The following ATP7A variants were observed in gnomAD, a reference collection of about 807,000 sequenced individuals.
ATP7A encodes the protein copper-transporting ATPase 1.
A neutral mutation model predicts 83.5 loss-of-function variants in ATP7A; 7 were observed. That is an observed-to-expected ratio of 0.08 (90% CI 0.05 to 0.16). ATP7A has a LOEUF of 0.16. Ranked by LOEUF, ATP7A falls within the 10% of genes least tolerant of loss-of-function variation. The pLI is 1.00. For synonymous variants in ATP7A, 354 were observed against 395.2 expected, an observed-to-expected ratio of 0.90 and a Z score of 1.24; for missense variants, 940 against 1,120.8, an observed-to-expected ratio of 0.84 and a Z score of 2.30.
In ATP7A at chrX:78,046,405, T is replaced by C; in HGVS notation, c.4338T>C (p.Asn1446=). Residue 1446 remains asparagine, a synonymous_variant, in exon 23 of 23, where the codon AAT becomes AAC. Transcript: ENST00000341514. Reference sequence around the variant, plus strand: ...TTGGAATAGATGATACCTCAAGGAATTCTCCTAAACTGGGTTTGCTGGACC... The same window carrying C: ...TTGGAATAGATGATACCTCAAGGAACTCTCCTAAACTGGGTTTGCTGGACC... The part of the protein sequence containing the change: ...VHVGIDDTSR[N]SPKLGLLDRI... 1 of 1,211,720 alleles carries C rather than the reference T, an allele frequency of 8.3e-7. No homozygotes were observed. The highest frequency in any genetic ancestry group is 1.1e-6 in the Non-Finnish European group (1 of 895,418).
chrX:78,031,715 T>C, intron 16 of ATP7A, 133 bp downstream of exon 16: 1 of 694,364 alleles, frequency 1.4e-6, no homozygotes. Context: ...TATTTTCTCA[T>C]TTAATTGTAT....
intron 7 of ATP7A, among the ~76,000 whole-genome samples, chrX:78,010,570 CT>C (rs5902761): frequency 1.1e-3 from 58 of 51,564 alleles, no homozygotes; most frequent in African/African-American, 3.1e-3. Context: ...ATGGTGCTAG[CT>C]TTTTTTTTTT....
At chrX:77,983,574 T>A (rs2077616511) in intron 2 of ATP7A, among the ~76,000 whole-genome samples, 1 of 112,151 alleles carries the variant, frequency 8.9e-6, no homozygotes, top group African/African-American at 3.2e-5. Flanking sequence ...ACAGAGTACG[T>A]TTGGTATATT....
chrX:78,028,776 A>C (rs1173213862), intron 14 of ATP7A, among the ~76,000 whole-genome samples: 1 of 112,656 alleles, frequency 8.9e-6, no homozygotes, highest in Non-Finnish European at 1.9e-5. Flanking sequence ...ATTAGCAGAT[A>C]TACTTGGTTC....
rs192389588 is a variant in ATP7A at position 78,040,913 on chromosome X, T to C, written c.3801+180T>C. 1.8e-3 allele frequency among the ~76,000 whole-genome samples: 197 copies of C among 112,327 alleles called. 2 individuals are homozygous for C. Among genetic ancestry groups the C allele is most frequent in the African/African-American group, 6.0e-3 (186 of 30,968 alleles). Reference sequence around the variant, plus strand: ...AGACTTTGGGCTTTGTGTGTTGCTGTTATACGTAAAAAGGTATTTGCTTAG... The same window carrying C: ...AGACTTTGGGCTTTGTGTGTTGCTGCTATACGTAAAAAGGTATTTGCTTAG... On this transcript the variant is annotated intron_variant, in intron 19 of 22. Transcript: ENST00000341514.
At chrX:78,001,132 C>G (rs1292105632) in intron 5 of ATP7A, among the ~76,000 whole-genome samples, 4 of 111,526 alleles carry the variant, frequency 3.6e-5, no homozygotes, top group African/African-American at 1.3e-4. Context: ...TCAGCTGAAG[C>G]AAAAAGATTT....
At chrX:77,983,217 A>G (rs1603380527) in intron 2 of ATP7A, among the ~76,000 whole-genome samples, 1 of 112,201 alleles carries the variant, frequency 8.9e-6, no homozygotes, top group East Asian at 2.8e-4. Flanking sequence ...AGAAGAGAAA[A>G]CATGTACTGA....
intron 7 of ATP7A, 55 bp from the exon 8 acceptor site, chrX:78,011,121 C>A: frequency 9.5e-7 from 1 of 1,054,570 alleles, no homozygotes; most frequent in East Asian, 3.0e-5. Context: ...TAGAATTTCT[C>A]TATACAATAT....
At chrX:78,040,464 TAA>T (rs1337858830) in intron 18 of ATP7A, 125 bp from the exon 19 acceptor site, 1 of 830,600 alleles carries the variant, frequency 1.2e-6, no homozygotes, top group Non-Finnish European at 1.7e-6. Flanking sequence ...AGAGATATTT[TAA>T]GTTAAGCCAT....
intron 1 of ATP7A, among the ~76,000 whole-genome samples, chrX:77,928,545 A>G (rs1171257287): frequency 3.6e-5 from 4 of 110,899 alleles, no homozygotes; most frequent in African/African-American, 1.3e-4. Flanking sequence ...CAGAGCTGAG[A>G]ATGTCAGTAA....
chrX:77,961,351 A>T lies in ATP7A; in HGVS notation c.-21-10270A>T, dbSNP rs782013967. 6.3e-5 allele frequency among the ~76,000 whole-genome samples: 7 copies of T among 111,889 alleles called. No individual in the cohort carries two copies. In the South Asian group the frequency reaches 2.6e-3, roughly 41 times the overall value. On this transcript the variant is annotated intron_variant, in intron 1 of 22. Coordinates refer to ENST00000341514, the MANE Select transcript of ATP7A (RefSeq NM_000052.7). Reference sequence around the variant, plus strand: ...GGTCTGGGACATACCCCATGATAAAACTGTATTTCAGTCTTACATTCCTAA... The same window carrying T: ...GGTCTGGGACATACCCCATGATAAATCTGTATTTCAGTCTTACATTCCTAA...
At chrX:78,022,505 G>GTTTGTTTATTTATTTA (rs782072664) in intron 14 of ATP7A, among the ~76,000 whole-genome samples, 119 of 95,803 alleles carry the variant, frequency 1.2e-3, no homozygotes, top group Admixed American at 2.4e-3. Context: ...TTGTTTGTTT[G>GTTTGTTTATTTATTTA]TTTATTTATT....
At chrX:77,962,119 A>G (rs781788411) in intron 1 of ATP7A, among the ~76,000 whole-genome samples, 1 of 111,627 alleles carries the variant, frequency 9.0e-6, no homozygotes, top group Admixed American at 9.5e-5. Flanking sequence ...ACACAAAAGG[A>G]CACTATCAAG....
intron 14 of ATP7A, among the ~76,000 whole-genome samples, chrX:78,021,549 A>G (rs2077905530): frequency 1.8e-5 from 2 of 111,957 alleles, no homozygotes; most frequent in Admixed American, 1.9e-4. Context: ...AACTTATTAA[A>G]TGCTTTACAA....
chrX:77,983,423 A>G (rs782153216), intron 2 of ATP7A, among the ~76,000 whole-genome samples: 1 of 112,113 alleles, frequency 8.9e-6, no homozygotes, highest in African/African-American at 3.2e-5. Context: ...TACAGAAATC[A>G]TATGCAAATA....
chrX:77,926,210 A>G (rs1557223536), intron 1 of ATP7A, among the ~76,000 whole-genome samples: 1 of 112,185 alleles, frequency 8.9e-6, no homozygotes, highest in African/African-American at 3.2e-5. Context: ...TTTGTCATTC[A>G]GGGATCTGAT....
chrX:78,033,544 C>A, intron 16 of ATP7A, 61 bp from the exon 17 acceptor site: 1 of 1,077,272 alleles, frequency 9.3e-7, no homozygotes, highest in Non-Finnish European at 1.3e-6. Flanking sequence ...TTTTATCTTG[C>A]TAATGAATGA....
At chrX:77,920,471 C>A (rs1335254875) in intron 1 of ATP7A, among the ~76,000 whole-genome samples, 1 of 111,017 alleles carries the variant, frequency 9.0e-6, no homozygotes, top group East Asian at 2.8e-4. Context: ...CCCACCTCGG[C>A]CTCCCAAAGT....
chrX:77,968,839 G>T (rs1377540587), intron 1 of ATP7A: 1 of 1,209,443 alleles, frequency 8.3e-7, no homozygotes, highest in African/African-American at 1.7e-5. Context: ...CAGCAGGGAG[G>T]GTGCTCCTGG....
Sources: gnomAD v4.1 joint callset for allele counts (sites outside exome capture counted in the v4.1 genomes callset) on GRCh38, gnomAD v4.1.1 for gene constraint, MANE v1.5 for transcripts, NCBI Gene and HGNC (gene_info 2026-07-23, HGNC 2026-07-21) for gene names.